The following HSD17B7 variants were observed in gnomAD, a reference collection of about 807,000 sequenced individuals.
HSD17B7 encodes the protein hydroxysteroid 17-beta dehydrogenase 7, also known as 3-keto-steroid reductase/17-beta-hydroxysteroid dehydrogenase 7.
HSD17B7 carries 17 observed loss-of-function variants against 34.1 expected under a neutral mutation model. The observed-to-expected ratio is 0.50, with a 90% CI of 0.34 to 0.75. HSD17B7 has a LOEUF of 0.75. HSD17B7 is among the 30% of genes least tolerant of loss of function. The pLI, the probability that HSD17B7 is intolerant of heterozygous loss-of-function variation, is 0.01. For synonymous variants in HSD17B7, 122 were observed against 154.6 expected, an observed-to-expected ratio of 0.79 and a Z score of 1.56; for missense variants, 296 against 406.6, an observed-to-expected ratio of 0.73 and a Z score of 2.34.
chr1:162,801,969 T>A (rs547301177), intron 5 of HSD17B7, among the ~76,000 whole-genome samples: 3 of 152,232 alleles, frequency 2.0e-5, no homozygotes, highest in African/African-American at 7.2e-5. Flanking sequence ...TTGAGATTGG[T>A]TCTCAGCCAA....
At chr1:162,796,551 C>G (rs1459653014) in intron 2 of HSD17B7, 34 bp from the exon 3 acceptor site, 1 of 1,322,754 alleles carries the variant, frequency 7.6e-7, no homozygotes, top group African/African-American at 1.4e-5. Context: ...TTTTTACTTG[C>G]AACTCACAAT....
chr1:162,806,289 A>C (rs1195412086), intron 8 of HSD17B7, among the ~76,000 whole-genome samples: 1 of 152,212 alleles, frequency 6.6e-6, no homozygotes, highest in African/African-American at 2.4e-5. Context: ...CTGTTATCGC[A>C]GGTAAGTCAA....
chr1:162,801,940 C>G (rs1176218086), intron 5 of HSD17B7, among the ~76,000 whole-genome samples: 1 of 152,146 alleles, frequency 6.6e-6, no homozygotes, highest in Non-Finnish European at 1.5e-5. Context: ...GGAGATTTAG[C>G]TATTGCTTGT....
At chr1:162,809,505 C>T (rs1408442672) in intron 8 of HSD17B7, among the ~76,000 whole-genome samples, 1 of 151,940 alleles carries the variant, frequency 6.6e-6, no homozygotes, top group Non-Finnish European at 1.5e-5. Context: ...GGGAGGATTC[C>T]CTCTTTTTCT....
chr1:162,804,285 G>A lies in HSD17B7; in HGVS notation c.766G>A (p.Ala256Thr). The A allele has an allele frequency of 6.2e-7, 1 of 1,609,256 alleles. No homozygotes were observed. The highest frequency in any genetic ancestry group is 1.7e-4 in the Middle Eastern group (1 of 6,030). The change falls in exon 7 of 9, where the codon GCA (alanine) becomes ACA (threonine). Residue 256 changes from alanine to threonine, a missense_variant. By Grantham distance (58) the Ala-to-Thr change is moderately conservative. Coordinates refer to ENST00000254521, the MANE Select transcript of HSD17B7 (RefSeq NM_016371.4). ...TCCGCAGCTTCGCTTTTTTGCAAAT[G>A]CATTCACTTTGACACCATATAATGG... ...AILLLRFFAN[A>T]FTLTPYNGTE...
intron 8 of HSD17B7, among the ~76,000 whole-genome samples, chr1:162,811,409 T>C (rs943317677): frequency 6.6e-6 from 1 of 152,198 alleles, no homozygotes; most frequent in Non-Finnish European, 1.5e-5. Context: ...TTCAAAAGTT[T>C]ATTTAATTTT....
Position 162,799,727 on chromosome 1 carries a change from T to G in HSD17B7, c.448-16T>G. 6.2e-7 allele frequency: 1 copy of G among 1,607,940 alleles called. No individual in the cohort carries two copies. The highest frequency in any genetic ancestry group is 8.5e-7 in the Non-Finnish European group (1 of 1,176,618). Reference sequence around the variant, plus strand: ...TGTCAGTATATTTTAATACTTTTTTTTTTTCTTTCACCCAGATTCGGGAAC... The same window carrying G: ...TGTCAGTATATTTTAATACTTTTTTGTTTTCTTTCACCCAGATTCGGGAAC... On this transcript the variant is annotated splice_polypyrimidine_tract_variant and intron_variant, in intron 4 of 8. Transcript: ENST00000254521.
chr1:162,800,834 A>C (rs946819727), intron 5 of HSD17B7, among the ~76,000 whole-genome samples: 1 of 152,226 alleles, frequency 6.6e-6, no homozygotes, highest in Non-Finnish European at 1.5e-5. Flanking sequence ...TAAGATGATG[A>C]TCAAGAATTA....
rs115519612 is a variant in HSD17B7, at chr1:162,804,025, T to G, written c.748-242T>G. Among the ~76,000 whole-genome samples the G allele has an allele frequency of 7.5e-3, 1,144 of 152,352 alleles. 13 individuals carry two copies. Among genetic ancestry groups the G allele is most frequent in the African/African-American group, 0.026 (1,099 of 41,582 alleles). On this transcript the variant is annotated intron_variant, in intron 6 of 8. Transcript: ENST00000254521. ...TCTCTCTTTAGGGCTCAGGAAGAAG[T>G]GTCTTTTCCTTAGGGCAGGCATAAA...
At chr1:162,800,301 A>G (rs557674923) in intron 5 of HSD17B7, 1 of 464,942 alleles carries the variant, frequency 2.2e-6, no homozygotes, top group African/African-American at 2.0e-5. Flanking sequence ...TGAGGACACT[A>G]AATCTCGGAG....
At chr1:162,792,080 T>C (rs1268939748) in intron 1 of HSD17B7, among the ~76,000 whole-genome samples, 1 of 152,204 alleles carries the variant, frequency 6.6e-6, no homozygotes, top group South Asian at 2.1e-4. Flanking sequence ...TTGAGTTCTT[T>C]CTTTTTCTAT....
intron 5 of HSD17B7, chr1:162,803,027 T>G (rs1473565160): frequency 6.4e-6 from 1 of 155,602 alleles, no homozygotes; most frequent in Non-Finnish European, 1.4e-5. Flanking sequence ...CAGAAACTTC[T>G]TGAAGGCAAG....
chr1:162,790,887 G>A (rs1349073457), intron 1 of HSD17B7, 52 bp downstream of exon 1: 2 of 1,546,672 alleles, frequency 1.3e-6, no homozygotes, highest in East Asian at 2.3e-5. Flanking sequence ...GGGTCCGAGA[G>A]AGCAGGGGTC....
intron 5 of HSD17B7, among the ~76,000 whole-genome samples, chr1:162,802,121 T>C (rs559124796): frequency 6.6e-6 from 1 of 152,324 alleles, no homozygotes; most frequent in South Asian, 2.1e-4. Context: ...TATCCATGCA[T>C]GCTCCCCCAC....
intron 2 of HSD17B7, among the ~76,000 whole-genome samples, chr1:162,796,028 G>C (rs1283775063): frequency 1.3e-5 from 2 of 151,912 alleles, no homozygotes; most frequent in African/African-American, 2.4e-5. Flanking sequence ...ATCATTTTAG[G>C]ATACATAGGA....
At chr1:162,798,826 T>A (rs1648709285) in intron 4 of HSD17B7, 1 of 239,230 alleles carries the variant, frequency 4.2e-6, no homozygotes, top group Non-Finnish European at 8.8e-6. Context: ...AGAAACCCCA[T>A]CTCTATCAAA....
intron 8 of HSD17B7, among the ~76,000 whole-genome samples, chr1:162,811,364 C>T (rs1192764273): frequency 6.6e-6 from 1 of 152,186 alleles, no homozygotes. Flanking sequence ...CGACCTTTCT[C>T]TCTGGCTGCC....
chr1:162,809,228 A>T lies in HSD17B7; in HGVS notation c.904-3070A>T, dbSNP rs537816635. On this transcript the variant is annotated intron_variant, in intron 8 of 8. Coordinates refer to ENST00000254521, the MANE Select transcript of HSD17B7 (RefSeq NM_016371.4). ...CTTTTCTGCATCTGTTGAGATAATC[A>T]TTTGGTTTTTGTCTTTGGTTCTGTT... Among the ~76,000 whole-genome samples the T allele has an allele frequency of 5.8e-4, 88 of 152,212 alleles. 1 individual carries two copies. The highest frequency in any genetic ancestry group is 2.0e-3 in the African/African-American group (82 of 41,524).
chr1:162,798,831 A>T, intron 4 of HSD17B7: 1 of 246,554 alleles, frequency 4.1e-6, no homozygotes, highest in South Asian at 3.4e-5. Flanking sequence ...CCCCATCTCT[A>T]TCAAAAAACA....
Sources: allele counts gnomAD v4.1 joint callset (sites outside exome capture counted in the v4.1 genomes callset), GRCh38; gene constraint gnomAD v4.1.1; transcripts MANE v1.5; gene names NCBI Gene and HGNC (gene_info 2026-07-23, HGNC 2026-07-21).